The following ATRNL1 variants were observed in gnomAD, a reference collection of about 807,000 sequenced individuals.
ATRNL1 encodes attractin like 1, also known as attractin-like protein 1.
A neutral mutation model predicts 182.7 loss-of-function variants in ATRNL1; 95 were observed. That is an observed-to-expected ratio of 0.52 (90% CI 0.44 to 0.62). The LOEUF is 0.62. Ranked by LOEUF, ATRNL1 falls within the 20% of genes least tolerant of loss-of-function variation. The pLI, the probability that ATRNL1 is intolerant of heterozygous loss-of-function variation, is 0.00. For synonymous variants in ATRNL1, 576 were observed against 568.3 expected, an observed-to-expected ratio of 1.01 and a Z score of -0.19; for missense variants, 1,471 against 1,679.5, an observed-to-expected ratio of 0.88 and a Z score of 2.17.
intron 26 of ATRNL1, among the ~76,000 whole-genome samples, chr10:115,681,844 G>A (rs539882388): frequency 6.6e-6 from 1 of 152,062 alleles, no homozygotes; most frequent in African/African-American, 2.4e-5. Context: ...ACTGCTCTTG[G>A]TTATATTGGT....
At chr10:115,567,555 G>C (rs1015343518) in intron 26 of ATRNL1, among the ~76,000 whole-genome samples, 2 of 152,048 alleles carry the variant, frequency 1.3e-5, no homozygotes, top group African/African-American at 4.8e-5. Context: ...CCTATTAAAA[G>C]ATGAAGAATT....
At chr10:115,215,943 A>T in intron 9 of ATRNL1, 63 bp downstream of exon 9, 1 of 1,291,214 alleles carries the variant, frequency 7.7e-7, no homozygotes, top group South Asian at 1.8e-5. Context: ...TTGACTTTAA[A>T]ATGGTTTCTG....
intron 19 of ATRNL1, among the ~76,000 whole-genome samples, chr10:115,334,954 G>A (rs1437568548): frequency 1.3e-5 from 2 of 151,910 alleles, no homozygotes; most frequent in Non-Finnish European, 2.9e-5. Context: ...TTTCCCATAT[G>A]TAAAATGGAG....
intron 8 of ATRNL1, among the ~76,000 whole-genome samples, chr10:115,190,075 G>T (rs578020372): frequency 2.1e-4 from 32 of 152,202 alleles, no homozygotes; most frequent in Admixed American, 4.6e-4. Context: ...CACAGCCTAG[G>T]TATGTAGTAG....
chr10:115,459,329 G>C (rs1187238362), intron 21 of ATRNL1, among the ~76,000 whole-genome samples: 1 of 152,142 alleles, frequency 6.6e-6, no homozygotes, highest in Non-Finnish European at 1.5e-5. Flanking sequence ...GGGCAGAACA[G>C]AGCCATATTT....
chr10:115,563,173 C>T (rs544088362), intron 26 of ATRNL1, among the ~76,000 whole-genome samples: 15 of 152,122 alleles, frequency 9.9e-5, no homozygotes, highest in East Asian at 9.7e-4. Context: ...TTCTGGTGAG[C>T]GCCTGTTAAA....
At chr10:115,214,870 A>C (rs1554895832) in intron 8 of ATRNL1, among the ~76,000 whole-genome samples, 1 of 152,124 alleles carries the variant, frequency 6.6e-6, no homozygotes, top group African/African-American at 2.4e-5. Context: ...TTAATATCGG[A>C]AATTAGTTAC....
chr10:115,696,177 G>A (rs952374376), intron 26 of ATRNL1, among the ~76,000 whole-genome samples: 1 of 152,022 alleles, frequency 6.6e-6, no homozygotes, highest in African/African-American at 2.4e-5. Context: ...GGATTACAGC[G>A]GGGGAGACAC....
chr10:115,846,765 A>G (rs1271806358), intron 27 of ATRNL1, among the ~76,000 whole-genome samples: 4 of 152,092 alleles, frequency 2.6e-5, no homozygotes, highest in Non-Finnish European at 5.9e-5. Flanking sequence ...GCATGTTTGC[A>G]TATGCACACA....
Position 115,140,410 on chromosome 10 carries a change from G to T in ATRNL1, c.829+10875G>T, listed in dbSNP as rs937374698. 2.2e-4 allele frequency among the ~76,000 whole-genome samples: 33 copies of T among 152,162 alleles called. 1 individual carries two copies. Among genetic ancestry groups the T allele is most frequent in the Admixed American group, 2.2e-3 (33 of 15,274 alleles). On this transcript the variant is annotated intron_variant, in intron 5 of 28. Coordinates refer to ENST00000355044, the MANE Select transcript of ATRNL1 (RefSeq NM_207303.4). ...TAATTAACAAGGAATGGGCTAATTTGTTCTCTCATGTCTACTCAGAGAAAC... is the reference window on the plus strand; with the variant it reads ...TAATTAACAAGGAATGGGCTAATTTTTTCTCTCATGTCTACTCAGAGAAAC...
At chr10:115,578,921 A>G (rs1229975141) in intron 26 of ATRNL1, among the ~76,000 whole-genome samples, 2 of 151,068 alleles carry the variant, frequency 1.3e-5, no homozygotes, top group African/African-American at 2.4e-5. Context: ...TTGTATTTCC[A>G]TTTTCATTTC....
At chr10:115,835,807 T>G (rs1043510841) in intron 27 of ATRNL1, among the ~76,000 whole-genome samples, 1 of 152,116 alleles carries the variant, frequency 6.6e-6, no homozygotes, top group Non-Finnish European at 1.5e-5. Context: ...ACAATGGCCA[T>G]GCCCCCTCGC....
chr10:115,504,518 A>G lies in ATRNL1; in HGVS notation c.3655-14745A>G, dbSNP rs1839512521. On this transcript the variant is annotated intron_variant, in intron 24 of 28. Coordinates refer to ENST00000355044, the MANE Select transcript of ATRNL1 (RefSeq NM_207303.4). ...GTTAATGTCTTATTTACTAAAGATT[A>G]TGGAAGCAAAGATTATTTTCTCTTG... Among the ~76,000 whole-genome samples, 5 of 152,192 alleles carry G rather than the reference A, an allele frequency of 3.3e-5. No individual in the cohort carries two copies. In the South Asian group the frequency reaches 6.2e-4, roughly 19 times the overall value.
chr10:115,556,452 T>C (rs1554997057), intron 26 of ATRNL1, among the ~76,000 whole-genome samples: 7 of 152,190 alleles, frequency 4.6e-5, no homozygotes. Flanking sequence ...CATAGTATCA[T>C]TGACTAGAAT....
chr10:115,132,392 T>G (rs377222549), intron 5 of ATRNL1, among the ~76,000 whole-genome samples: 3 of 152,100 alleles, frequency 2.0e-5, no homozygotes, highest in African/African-American at 7.2e-5. Context: ...AATAAACATA[T>G]GTGTGCATGT....
At chr10:115,586,449 G>A (rs370503710) in intron 26 of ATRNL1, among the ~76,000 whole-genome samples, 6 of 109,316 alleles carry the variant, frequency 5.5e-5, no homozygotes, top group Admixed American at 1.1e-4. Context: ...GGCTTTGTTC[G>A]TTTCTTTTTA....
At chr10:115,886,139 A>G (rs1400806353) in intron 28 of ATRNL1, among the ~76,000 whole-genome samples, 1 of 152,216 alleles carries the variant, frequency 6.6e-6, no homozygotes, top group Non-Finnish European at 1.5e-5. Context: ...ACCTCATAGT[A>G]TGCAGGACAA....
intron 20 of ATRNL1, among the ~76,000 whole-genome samples, chr10:115,398,739 A>G (rs955639988): frequency 2.0e-5 from 3 of 152,014 alleles, no homozygotes; most frequent in African/African-American, 7.2e-5. Context: ...TTCAGATACT[A>G]TGTTGAATGG....
At chr10:115,186,400 A>G (rs1847942686) in intron 8 of ATRNL1, among the ~76,000 whole-genome samples, 1 of 152,160 alleles carries the variant, frequency 6.6e-6, no homozygotes, top group Non-Finnish European at 1.5e-5. Context: ...GCGAAGAGAT[A>G]TCTACACTCC....
Sources: allele counts gnomAD v4.1 joint callset (sites outside exome capture counted in the v4.1 genomes callset), GRCh38; gene constraint gnomAD v4.1.1; transcripts MANE v1.5; gene names NCBI Gene and HGNC (gene_info 2026-07-23, HGNC 2026-07-21).